DNAJA1: variants seen among roughly 807,000 people sequenced by gnomAD.
DNAJA1 encodes the protein dnaJ homolog subfamily A member 1.
DNAJA1 carries 26 observed loss-of-function variants against 47.6 expected under a neutral mutation model. That is an observed-to-expected ratio of 0.55 (90% confidence interval 0.40 to 0.76). DNAJA1 has a LOEUF of 0.76. Among genes scored for constraint, DNAJA1 ranks in the 30% least tolerant of loss-of-function variants. The pLI is 0.00. For synonymous variants in DNAJA1, 165 were observed against 158.4 expected (o/e 1.04, Z -0.31); for missense variants, 315 against 485.0 (o/e 0.65, Z 3.29).
chr9:33,037,327 A>C (rs1052126266), intron 8 of DNAJA1: 28 of 346,154 alleles, frequency 8.1e-5, no homozygotes, highest in Non-Finnish European at 8.7e-5. Context: ...CAAAAAAAAA[A>C]AAAAATTAAA....
At chr9:33,037,148 A>G (rs770011623) in intron 8 of DNAJA1, 33 bp downstream of exon 8, 22 of 1,587,120 alleles carry the variant, frequency 1.4e-5, no homozygotes, top group Non-Finnish European at 1.9e-5. Flanking sequence ...AATACTTGAG[A>G]ACAATTGGCT....
At chr9:33,027,296 C>T (rs956880899) in intron 3 of DNAJA1, among the ~76,000 whole-genome samples, 10 of 151,888 alleles carry the variant, frequency 6.6e-5, no homozygotes, top group Non-Finnish European at 2.9e-5. Context: ...GCTGGGATTA[C>T]AGGCATGTGC....
intron 1 of DNAJA1, among the ~76,000 whole-genome samples, chr9:33,025,678 C>T (rs1304949127): frequency 2.0e-5 from 3 of 148,748 alleles, no homozygotes; most frequent in South Asian, 4.3e-4. Flanking sequence ...GCCCCCCTCC[C>T]CGTCCGTGCT....
At chr9:33,036,482 C>T (rs1172764182) in intron 6 of DNAJA1, 92 bp from the exon 7 acceptor site, 1 of 732,408 alleles carries the variant, frequency 1.4e-6, no homozygotes, top group East Asian at 2.7e-5. Context: ...GTAAAAGACC[C>T]TTTGCTTTTA....
chr9:33,029,838 G>C (rs780186510), intron 3 of DNAJA1, 47 bp from the exon 4 acceptor site: 3 of 1,485,934 alleles, frequency 2.0e-6, no homozygotes. Context: ...GCACAAATAA[G>C]ATCCAGCATC....
chr9:33,029,505 G>A (rs1019813008), intron 3 of DNAJA1, among the ~76,000 whole-genome samples: 3 of 152,230 alleles, frequency 2.0e-5, no homozygotes, highest in South Asian at 2.1e-4. Flanking sequence ...AATACGGTAC[G>A]AAGTGAAAGC....
chr9:33,030,572 A>G lies in DNAJA1; in HGVS notation c.548A>G (p.His183Arg). ...TCTGTGTGCATGGAGTGCCAGGGCC[A>G]TGGGGAGCGGATCAGTCCTAAAGAT... ...IQSVCMECQG[H>R]GERISPKDRC... Residue 183 changes from histidine (H) to arginine (R), a missense_variant, in exon 5 of 9, where the codon CAT becomes CGT. His to Arg is a conservative substitution (Grantham distance 29). Coordinates refer to ENST00000330899, the MANE Select transcript of DNAJA1 (RefSeq NM_001539.4). 6.2e-6 allele frequency: 10 copies of G among 1,614,164 alleles called. No homozygotes were observed. The highest frequency in any genetic ancestry group is 1.3e-5 in the African/African-American group (1 of 75,042).
intron 1 of DNAJA1, among the ~76,000 whole-genome samples, 168 bp from the exon 2 acceptor site, chr9:33,026,303 CTGTT>C (rs1420362896): frequency 1.3e-5 from 2 of 152,204 alleles, no homozygotes; most frequent in African/African-American, 2.4e-5. Context: ...TTTGTTTTGT[CTGTT>C]CGAGTTTATA....
At chr9:33,029,202 A>G (rs1838922398) in intron 3 of DNAJA1, among the ~76,000 whole-genome samples, 1 of 152,244 alleles carries the variant, frequency 6.6e-6, no homozygotes, top group Non-Finnish European at 1.5e-5. Context: ...CATGCTCAAT[A>G]AGCACATGTG....
chr9:33,037,805 G>A (rs1839058862), intron 8 of DNAJA1, among the ~76,000 whole-genome samples: 1 of 152,158 alleles, frequency 6.6e-6, no homozygotes, highest in African/African-American at 2.4e-5. Flanking sequence ...GTTGTGGGAA[G>A]GGTGTGTGGG....
intron 1 of DNAJA1, among the ~76,000 whole-genome samples, chr9:33,025,708 G>A (rs1473392699): frequency 1.3e-5 from 2 of 149,882 alleles, no homozygotes. Flanking sequence ...TGGGGGGGGG[G>A]AGTGGGGTTG....
rs1839003175 is a variant in DNAJA1 at position 33,034,320 on chromosome 9, GT to G, written c.753del (p.Phe251LeufsTer54). 6.2e-7 allele frequency: 1 copy of G among 1,605,572 alleles called. No homozygotes were observed. The highest frequency in any genetic ancestry group is 2.2e-5 in the East Asian group (1 of 44,556). ...TGTGTTAGATCAGAAGGACCATGCT[GT>G]TTTTACTCGGTAAAGACTTTTATCA... ...IIVLDQKDHA[V>X]FTRRGEDLFM... On this transcript the variant is annotated frameshift_variant, in exon 6 of 9. Transcript: ENST00000330899. LOFTEE classifies it high-confidence loss of function.
At chr9:33,026,640 G>GT (rs766180192) in intron 2 of DNAJA1, 24 bp downstream of exon 2, 1 of 1,589,948 alleles carries the variant, frequency 6.3e-7, no homozygotes, top group South Asian at 1.2e-5. Context: ...ACTCTTAAAC[G>GT]TATCTGAATA....
chr9:33,035,627 G>T (rs1464319522), intron 6 of DNAJA1, among the ~76,000 whole-genome samples: 1 of 151,800 alleles, frequency 6.6e-6, no homozygotes, highest in Non-Finnish European at 1.5e-5. Context: ...CCACCACCAC[G>T]CCCAGCTGAT....
intron 1 of DNAJA1, 96 bp downstream of exon 1, chr9:33,025,479 T>G (rs1408369310): frequency 6.6e-6 from 1 of 152,412 alleles, no homozygotes; most frequent in African/African-American, 2.4e-5. Flanking sequence ...GTTGGCCGCG[T>G]GGGTAGGACC....
At chr9:33,032,334 A>G (rs538586046) in intron 5 of DNAJA1, among the ~76,000 whole-genome samples, 2 of 152,352 alleles carry the variant, frequency 1.3e-5, no homozygotes, top group African/African-American at 4.8e-5. Context: ...TAGTGGGCCC[A>G]TGCCTAAGGT....
intron 3 of DNAJA1, among the ~76,000 whole-genome samples, 159 bp from the exon 4 acceptor site, chr9:33,029,724 CTG>C: frequency 6.6e-6 from 1 of 152,200 alleles, no homozygotes; most frequent in African/African-American, 2.4e-5. Context: ...TGAGGATCAT[CTG>C]TGATAACGTG....
rs973630870 is a variant in DNAJA1 at position 33,038,595 on chromosome 9, T to G, written c.976-90T>G. The stretch of plus-strand genomic sequence containing the variant: ...CAGATTCACCTAAATATTACGTGTT[T>G]ACATGTGTTTTTCTGGGGAAAATGG... On this transcript the variant is annotated intron_variant, in intron 8 of 8. Coordinates refer to ENST00000330899, the MANE Select transcript of DNAJA1 (RefSeq NM_001539.4). The G allele has an allele frequency of 4.2e-6, 5 of 1,193,006 alleles. No homozygotes were observed. The African/African-American group carries it at 6.1e-5, about 15-fold the overall frequency. 73.9% of individuals were successfully genotyped at this position (1,193,006 alleles called of 1,614,324 possible). A position where few individuals can be genotyped will look rare whatever the true frequency, so the allele number is the denominator to read the frequency against.
intron 1 of DNAJA1, 84 bp from the exon 2 acceptor site, chr9:33,026,391 C>A: frequency 6.9e-7 from 1 of 1,459,484 alleles, no homozygotes; most frequent in Non-Finnish European, 9.2e-7. Context: ...TCGGATTTTG[C>A]AAAGAGATTG....
Sources: allele counts gnomAD v4.1 joint callset (sites outside exome capture counted in the v4.1 genomes callset), GRCh38; gene constraint gnomAD v4.1.1; transcripts MANE v1.5; gene names NCBI Gene and HGNC (gene_info 2026-07-23, HGNC 2026-07-21).